NAV1: variants seen among roughly 807,000 people sequenced by gnomAD.
NAV1 encodes pore membrane and/or filament interacting like protein 3.
Under a neutral mutation model 175.2 loss-of-function variants are expected in NAV1, and 18 were observed. The observed-to-expected ratio is 0.10, with a 90% CI of 0.07 to 0.15. The LOEUF (loss-of-function observed/expected upper bound fraction) is 0.15, where lower values mean the gene tolerates loss of function less well. Ranked by LOEUF, NAV1 falls within the 10% of genes least tolerant of loss-of-function variation. The probability of loss-of-function intolerance (pLI) is 1.00; values close to 1 mark genes in which losing one functional copy is unlikely to be tolerated. For missense variants in NAV1, 1,731 were observed against 2,436.6 expected (o/e 0.71, Z 6.10); for synonymous variants, 897 against 978.7 (o/e 0.92, Z 1.56).
chr1:201,642,557 T>TTTTTTTCTTTCTTTCTTTCTTTCTTTC lies in NAV1; in HGVS notation c.5-6075_5-6074insTTTTCTTTCTTTCTTTCTTTCTTTCTT, dbSNP rs1467631961. Among the ~76,000 whole-genome samples, 5 of 106,018 alleles carry TTTTTTTCTTTCTTTCTTTCTTTCTTTC rather than the reference T, an allele frequency of 4.7e-5. 1 individual carries two copies. Among genetic ancestry groups the TTTTTTTCTTTCTTTCTTTCTTTCTTTC allele is most frequent in the Admixed American group, 9.5e-5 (1 of 10,530 alleles). The allele number at this position is 106,018 out of a possible 152,430, so 69.6% of individuals were successfully genotyped here. On this transcript the variant is annotated intron_variant, in intron 2 of 29. Transcript: ENST00000367302. ...TCTTTCTTTCTTTCTTTCTTTCTTT[T>TTTTTTTCTTTCTTTCTTTCTTTCTTTC]TTCCCTTTCTTCCCTTCCTTCTCTT...
chr1:201,572,529 C>A (rs1022546849), intron 1 of NAV1, among the ~76,000 whole-genome samples: 1 of 151,708 alleles, frequency 6.6e-6, no homozygotes, highest in South Asian at 2.1e-4. Context: ...CCACCATGCC[C>A]GGCTAATTTT....
chr1:201,673,290 G>A (rs919442420), intron 1 of NAV1: 2 of 152,240 alleles, frequency 1.3e-5, no homozygotes, highest in African/African-American at 4.8e-5. Flanking sequence ...CAGAGCGAGA[G>A]TGCGTCTATA....
intron 1 of NAV1, among the ~76,000 whole-genome samples, chr1:201,653,592 C>T (rs566555121): frequency 4.6e-5 from 7 of 152,224 alleles, no homozygotes; most frequent in African/African-American, 9.6e-5. Context: ...ACAAATACTT[C>T]GTTTTCCTTT....
intron 2 of NAV1, among the ~76,000 whole-genome samples, chr1:201,642,209 C>CTTCA (rs1668787690): frequency 7.2e-6 from 1 of 138,818 alleles, no homozygotes; most frequent in African/African-American, 2.9e-5. Flanking sequence ...TCCTTTCTTC[C>CTTCA]TTCCCTCCTT....
chr1:201,707,589 G>T (rs942503854), intron 1 of NAV1, among the ~76,000 whole-genome samples: 1 of 152,166 alleles, frequency 6.6e-6, no homozygotes, highest in Non-Finnish European at 1.5e-5. Context: ...TTGCCCTAGG[G>T]TCCCAATCTC....
At chr1:201,617,236 C>G (rs1032683301) in intron 2 of NAV1, among the ~76,000 whole-genome samples, 1 of 146,824 alleles carries the variant, frequency 6.8e-6, no homozygotes, top group African/African-American at 2.7e-5. Flanking sequence ...CTCTCTCTCT[C>G]TCTCTGTCTG....
At chr1:201,548,567 A>T (rs1424668815) in intron 1 of NAV1, among the ~76,000 whole-genome samples, 1 of 152,208 alleles carries the variant, frequency 6.6e-6, no homozygotes, top group Non-Finnish European at 1.5e-5. Flanking sequence ...TCTCTTAAAA[A>T]AATAAAAATA....
chr1:201,574,351 G>A (rs1286993057), intron 1 of NAV1, among the ~76,000 whole-genome samples: 1 of 152,130 alleles, frequency 6.6e-6, no homozygotes, highest in Non-Finnish European at 1.5e-5. Context: ...CGTGGAGCAG[G>A]TGGCATGAGA....
chr1:201,738,067 C>G (rs1158575246), intron 3 of NAV1, among the ~76,000 whole-genome samples: 1 of 152,022 alleles, frequency 6.6e-6, no homozygotes, highest in Non-Finnish European at 1.5e-5. Flanking sequence ...GGGACATCAT[C>G]CTGGAATGAA....
chr1:201,662,946 C>T (rs1006470479), intron 1 of NAV1, among the ~76,000 whole-genome samples: 2 of 76,210 alleles, frequency 2.6e-5, no homozygotes, highest in African/African-American at 9.6e-5. Context: ...AGCCATGTTT[C>T]CAGGGGAAAG....
At chr1:201,601,108 A>T (rs572476760) in intron 2 of NAV1, among the ~76,000 whole-genome samples, 1 of 152,206 alleles carries the variant, frequency 6.6e-6, no homozygotes, top group Non-Finnish European at 1.5e-5. Context: ...GACTTATTTC[A>T]GCTGGGGACC....
At chr1:201,614,802 T>A (rs547751339) in intron 2 of NAV1, among the ~76,000 whole-genome samples, 2 of 152,354 alleles carry the variant, frequency 1.3e-5, no homozygotes, top group African/African-American at 4.8e-5. Context: ...CTCTGCCATT[T>A]ACTAGCTGTG....
chr1:201,803,711 T>C (rs764310783), exon 16 of NAV1: 11 of 1,541,226 alleles, frequency 7.1e-6, no homozygotes, highest in South Asian at 4.6e-5. Flanking sequence ...AAAAAAAGAG[T>C]TGGGTAGGTA....
chr1:201,601,752 T>C (rs1470573550), intron 2 of NAV1, among the ~76,000 whole-genome samples: 1 of 152,224 alleles, frequency 6.6e-6, no homozygotes, highest in African/African-American at 2.4e-5. Context: ...AGTATATTTC[T>C]ATTGTTAAAA....
intron 2 of NAV1, among the ~76,000 whole-genome samples, chr1:201,615,585 C>G (rs549009223): frequency 6.6e-6 from 1 of 152,162 alleles, no homozygotes; most frequent in Admixed American, 6.5e-5. Context: ...TTCTTGAGCA[C>G]TTCCTATGTG....
intron 1 of NAV1, among the ~76,000 whole-genome samples, chr1:201,549,703 G>T (rs537321668): frequency 1.2e-3 from 176 of 150,126 alleles, no homozygotes; most frequent in African/African-American, 4.1e-3. Context: ...CAACCACAGA[G>T]AGGACTGTCT....
At chr1:201,773,368 T>G (rs748164468) in intron 3 of NAV1, among the ~76,000 whole-genome samples, 6 of 152,202 alleles carry the variant, frequency 3.9e-5, no homozygotes, top group Non-Finnish European at 7.3e-5. Context: ...AATTTTTATT[T>G]TATCATGTCA....
intron 3 of NAV1, among the ~76,000 whole-genome samples, chr1:201,774,410 C>A (rs1675803695): frequency 6.6e-6 from 1 of 152,194 alleles, no homozygotes; most frequent in African/African-American, 2.4e-5. Flanking sequence ...TAAAGACATT[C>A]TATTCTTACA....
chr1:201,632,969 T>C (rs548920157), intron 2 of NAV1, among the ~76,000 whole-genome samples: 224 of 152,354 alleles, frequency 1.5e-3, no homozygotes, highest in African/African-American at 5.2e-3. Flanking sequence ...CAAGGAATGG[T>C]AACTACTCTC....
Sources: allele counts gnomAD v4.1 joint callset (sites outside exome capture counted in the v4.1 genomes callset), GRCh38; gene constraint gnomAD v4.1.1; transcripts MANE v1.5; gene names NCBI Gene and HGNC (gene_info 2026-07-23, HGNC 2026-07-21).